CTBP2: variants seen among roughly 807,000 people sequenced by gnomAD.
CTBP2 encodes C-terminal-binding protein 2.
In CTBP2, 30 loss-of-function variants were observed where a neutral mutation model predicts 80.3. The observed-to-expected ratio is 0.37, with a 90% CI of 0.28 to 0.51. The LOEUF is 0.51. Among genes scored for constraint, CTBP2 ranks in the 20% least tolerant of loss-of-function variants. CTBP2 has a pLI of 0.93. For missense variants in CTBP2, 1,212 were observed against 1,375.3 expected, an observed-to-expected ratio of 0.88 and a Z score of 1.88; for synonymous variants, 594 against 587.4, an observed-to-expected ratio of 1.01 and a Z score of -0.16.
intron 2 of CTBP2, among the ~76,000 whole-genome samples, chr10:125,057,238 G>C (rs958160567): frequency 5.9e-5 from 9 of 152,230 alleles, no homozygotes; most frequent in Admixed American, 3.9e-4. Context: ...AATGACACTT[G>C]TAAGAAAAAA....
rs561856346 is a variant in CTBP2 at position 125,017,989 on chromosome 10, T to C, written c.1678+8093A>G. On this transcript the variant is annotated intron_variant, in intron 1 of 8. Transcript: ENST00000309035. ...CTCTTGCTCCAGAGCCCAGCCACTTTGTCCTGTTTCCTCTTGCTGACACAG... is the reference window on the plus strand; with the variant it reads ...CTCTTGCTCCAGAGCCCAGCCACTTCGTCCTGTTTCCTCTTGCTGACACAG... Among the ~76,000 whole-genome samples, 749 of 152,330 alleles carry C rather than the reference T, an allele frequency of 4.9e-3. 6 individuals are homozygous for C. Among genetic ancestry groups the C allele is most frequent in the African/African-American group, 0.017 (717 of 41,584 alleles).
At chr10:125,019,916 G>A (rs1956878280) in intron 1 of CTBP2, among the ~76,000 whole-genome samples, 1 of 152,208 alleles carries the variant, frequency 6.6e-6, no homozygotes, top group African/African-American at 2.4e-5. Flanking sequence ...TGGGCCCCAT[G>A]ACCCAGGAAG....
intron 2 of CTBP2, among the ~76,000 whole-genome samples, chr10:125,043,731 C>T (rs537846289): frequency 1.1e-4 from 16 of 151,802 alleles, no homozygotes; most frequent in African/African-American, 2.2e-4. Context: ...CAACCGTGCC[C>T]GGCCGACCCT....
chr10:124,990,543 TA>T (rs1313921007), intron 8 of CTBP2, among the ~76,000 whole-genome samples: 2 of 152,268 alleles, frequency 1.3e-5, no homozygotes, highest in African/African-American at 4.8e-5. Context: ...TTATACTATT[TA>T]AAAAAACCCA....
rs79189060 is a variant in CTBP2, at chr10:124,998,145, A to G, written c.2004T>C (p.Ser668=). ...AGTCCGCTGTCTCTTCCACGGCTGC[A>G]GACGGGATGTTGCACACGGCAATTC... is the stretch of plus-strand genomic sequence containing the variant. The change falls in exon 4 of 9, where the codon TCT becomes TCC. Residue 668 remains serine, a synonymous_variant. Coordinates refer to ENST00000309035, the MANE Select transcript of CTBP2 (RefSeq NM_022802.3). 4 of 1,609,890 alleles carry G rather than the reference A, an allele frequency of 2.5e-6. No homozygotes were observed. In the East Asian group the frequency reaches 8.9e-5, roughly 36 times the overall value.
chr10:125,063,358 A>AC (rs1844118144), intron 2 of CTBP2, among the ~76,000 whole-genome samples: 1 of 152,210 alleles, frequency 6.6e-6, no homozygotes, highest in Non-Finnish European at 1.5e-5. Context: ...TTTACCCCAC[A>AC]CGTCATGAGG....
At chr10:125,047,339 A>T (rs1240869754) in intron 2 of CTBP2, among the ~76,000 whole-genome samples, 1 of 152,146 alleles carries the variant, frequency 6.6e-6, no homozygotes, top group Non-Finnish European at 1.5e-5. Context: ...TTGAACAGAT[A>T]AAAAAAATTA....
rs538304647 is a variant in CTBP2 at position 124,987,483 on chromosome 10, A to ACTT, written c.*2032_*2034dup. On this transcript the variant is annotated 3_prime_UTR_variant, in exon 9 of 9. Coordinates refer to ENST00000309035, the MANE Select transcript of CTBP2 (RefSeq NM_022802.3). ...GACTCTTAGGTTCATCGTGTCCCAG[A>ACTT]CTTCTTCACATATTCGTGAAGGTAA... 2.0e-5 allele frequency: 3 copies of ACTT among 152,138 alleles called. No homozygotes were observed. Among genetic ancestry groups the ACTT allele is most frequent in the Admixed American group, 6.5e-5 (1 of 15,282 alleles). The allele number at this position is 152,138 out of a possible 1,614,324, so 9.4% of individuals were successfully genotyped here.
chr10:125,127,072 C>T (rs1206222023), intron 1 of CTBP2, among the ~76,000 whole-genome samples: 2 of 152,152 alleles, frequency 1.3e-5, no homozygotes, highest in Non-Finnish European at 2.9e-5. Flanking sequence ...AAGAAACAGC[C>T]GAGTGTTACA....
chr10:125,115,690 T>C (rs1451916083), intron 1 of CTBP2, among the ~76,000 whole-genome samples: 4 of 152,128 alleles, frequency 2.6e-5, no homozygotes, highest in African/African-American at 9.7e-5. Context: ...GCCTAACTCA[T>C]GAGATAAACA....
At chr10:125,156,603 T>C (rs184039342) in intron 1 of CTBP2, among the ~76,000 whole-genome samples, 2 of 152,326 alleles carry the variant, frequency 1.3e-5, no homozygotes, top group Admixed American at 1.3e-4. Context: ...GAGCTGTTTG[T>C]ATTTTAACAG....
At chr10:125,114,148 C>T (rs1852775718) in intron 1 of CTBP2, among the ~76,000 whole-genome samples, 1 of 152,184 alleles carries the variant, frequency 6.6e-6, no homozygotes, top group African/African-American at 2.4e-5. Flanking sequence ...GCAGAAATGA[C>T]TTAGCTGATT....
At chr10:125,092,883 C>A (rs79510457) in intron 2 of CTBP2, among the ~76,000 whole-genome samples, 6,484 of 152,316 alleles carry the variant, frequency 0.043, 206 homozygotes, top group Middle Eastern at 0.079. Context: ...ATGGCACACA[C>A]AGCGCCAGGA....
chr10:125,057,305 T>C (rs1280880895), intron 2 of CTBP2, among the ~76,000 whole-genome samples: 7 of 152,240 alleles, frequency 4.6e-5, no homozygotes, highest in African/African-American at 7.2e-5. Flanking sequence ...TGGCTGGGAT[T>C]GGCCAGACCA....
At chr10:125,124,978 A>G (rs1004009173) in intron 1 of CTBP2, among the ~76,000 whole-genome samples, 1 of 152,146 alleles carries the variant, frequency 6.6e-6, no homozygotes, top group Admixed American at 6.5e-5. Flanking sequence ...CTCCTGATAG[A>G]TATGTACAGA....
At chr10:125,084,741 A>C (rs887146263) in intron 2 of CTBP2, among the ~76,000 whole-genome samples, 3 of 151,864 alleles carry the variant, frequency 2.0e-5, no homozygotes, top group Non-Finnish European at 4.4e-5. Context: ...ACCCCACCCA[A>C]GCAGCAGCAG....
chr10:125,069,820 A>C (rs10901860), intron 2 of CTBP2, among the ~76,000 whole-genome samples: 54,239 of 150,528 alleles, frequency 0.36, 10,388 homozygotes, highest in Middle Eastern at 0.48. Context: ...CCCCAACTCC[A>C]CCACCATCAG....
chr10:125,148,773 C>A (rs1859275220), intron 1 of CTBP2, among the ~76,000 whole-genome samples: 1 of 152,226 alleles, frequency 6.6e-6, no homozygotes, highest in South Asian at 2.1e-4. Flanking sequence ...TCCTTAAATG[C>A]TGAGGAAGAC....
At chr10:125,015,799 A>T (rs1956417527) in intron 1 of CTBP2, among the ~76,000 whole-genome samples, 1 of 152,234 alleles carries the variant, frequency 6.6e-6, no homozygotes, top group Non-Finnish European at 1.5e-5. Context: ...AGAGAAAAGT[A>T]CGAATTGTTG....
Sources: allele counts gnomAD v4.1 joint callset (sites outside exome capture counted in the v4.1 genomes callset), GRCh38; gene constraint gnomAD v4.1.1; transcripts MANE v1.5; gene names NCBI Gene and HGNC (gene_info 2026-07-23, HGNC 2026-07-21).